XYLT1: variants seen among roughly 807,000 people sequenced by gnomAD.
XYLT1 encodes the protein xylosyltransferase 1.
In XYLT1, 36 loss-of-function variants were observed where a neutral mutation model predicts 91.3. The ratio of observed to expected loss-of-function variants is 0.39; its 90% CI spans 0.30 to 0.52. XYLT1 has a LOEUF of 0.52. XYLT1 is among the 20% of genes least tolerant of loss of function. The pLI, the probability that XYLT1 is intolerant of heterozygous loss-of-function variation, is 0.68. For missense variants in XYLT1, 1,242 were observed against 1,284.5 expected, an observed-to-expected ratio of 0.97 and a Z score of 0.51; for synonymous variants, 588 against 532.0, an observed-to-expected ratio of 1.11 and a Z score of -1.45.
intron 11 of XYLT1, among the ~76,000 whole-genome samples, chr16:17,112,227 C>T (rs1346450725): frequency 6.6e-6 from 1 of 152,194 alleles, no homozygotes; most frequent in African/African-American, 2.4e-5. Flanking sequence ...TCCACCTCAT[C>T]GGATTTCTTG....
At chr16:17,468,617 A>G (rs1002444697) in intron 1 of XYLT1, among the ~76,000 whole-genome samples, 2 of 152,206 alleles carry the variant, frequency 1.3e-5, no homozygotes, top group African/African-American at 2.4e-5. Context: ...TGAGCCGAGC[A>G]CACAGAGAGG....
chr16:17,312,217 G>T lies in XYLT1; in HGVS notation c.402+45795C>A, dbSNP rs1449191826. ...GCGTGAAGCCAGGCACGCCCAGGGG[G>T]TGACTCATCTGCTGTGCCCAGAGCT... On this transcript the variant is annotated intron_variant, in intron 2 of 11. Coordinates refer to ENST00000261381, the MANE Select transcript of XYLT1 (RefSeq NM_022166.4). This position sits in a 1 kb window ranked among gnomAD's most constrained non-coding sequence, Gnocchi z 4.4. Among the ~76,000 whole-genome samples, 1 of 152,142 alleles carries T rather than the reference G, an allele frequency of 6.6e-6. No homozygotes were observed. The highest frequency in any genetic ancestry group is 6.5e-5 in the Admixed American group (1 of 15,282).
chr16:17,219,280 CAAAAAAA>C (rs369055155), intron 3 of XYLT1, among the ~76,000 whole-genome samples: 7 of 85,068 alleles, frequency 8.2e-5, no homozygotes, highest in Admixed American at 3.1e-4. Flanking sequence ...GACTTTGTCT[CAAAAAAA>C]AAAAAAAAAA....
chr16:17,285,241 A>G (rs184450153), intron 2 of XYLT1, among the ~76,000 whole-genome samples: 640 of 152,310 alleles, frequency 4.2e-3, no homozygotes, highest in Middle Eastern at 0.024. Context: ...AGCTTGGGTG[A>G]CTAGAATCAC....
At chr16:17,118,063 G>T in intron 10 of XYLT1, 84 bp from the exon 11 acceptor site, 2 of 1,375,602 alleles carry the variant, frequency 1.5e-6, no homozygotes, top group Middle Eastern at 1.9e-4. Context: ...CCCTTTGTTA[G>T]CTTTCATATA....
chr16:17,276,164 A>G (rs1178982932), intron 2 of XYLT1, among the ~76,000 whole-genome samples: 1 of 152,202 alleles, frequency 6.6e-6, no homozygotes, highest in Non-Finnish European at 1.5e-5. Context: ...AGAGGTACAA[A>G]TGAATATGCT....
chr16:17,467,386 T>C (rs2036912511), intron 1 of XYLT1, among the ~76,000 whole-genome samples: 1 of 152,180 alleles, frequency 6.6e-6, no homozygotes, highest in Admixed American at 6.5e-5. Flanking sequence ...TCCCAATATT[T>C]TTCCTCCCTT....
intron 1 of XYLT1, among the ~76,000 whole-genome samples, chr16:17,415,382 G>C (rs1282399709): frequency 6.6e-6 from 1 of 152,194 alleles, no homozygotes; most frequent in Non-Finnish European, 1.5e-5. Context: ...AGAGGTCATT[G>C]AGGGGTAATC....
chr16:17,298,382 C>G lies in XYLT1; in HGVS notation c.403-38884G>C, dbSNP rs770648424. ...GAGATCTCATCTCATCTTCACAGCA[C>G]GCCTGGTGGCGAGTGCCCTCACTGT... On this transcript the variant is annotated intron_variant, in intron 2 of 11. Transcript: ENST00000261381. Among the ~76,000 whole-genome samples, 21 of 152,208 alleles carry G rather than the reference C, an allele frequency of 1.4e-4. 1 individual carries two copies. Among genetic ancestry groups the G allele is most frequent in the Admixed American group, 1.4e-3 (21 of 15,280 alleles).
At chr16:17,198,719 A>G (rs907261199) in intron 4 of XYLT1, among the ~76,000 whole-genome samples, 3 of 151,914 alleles carry the variant, frequency 2.0e-5, no homozygotes, top group Non-Finnish European at 4.4e-5. Context: ...ATTTTATCTT[A>G]TTTTATTTTA....
intron 3 of XYLT1, among the ~76,000 whole-genome samples, chr16:17,202,748 ACTTG>A (rs1287792542): frequency 1.3e-5 from 2 of 152,062 alleles, no homozygotes; most frequent in Non-Finnish European, 2.9e-5. Context: ...TTATCTGTTT[ACTTG>A]CTTATTATCT....
intron 2 of XYLT1, among the ~76,000 whole-genome samples, chr16:17,332,403 A>G (rs1248104917): frequency 6.6e-6 from 1 of 152,084 alleles, no homozygotes; most frequent in South Asian, 2.1e-4. Flanking sequence ...CTCTACTAAA[A>G]ATACAAAAAT....
intron 2 of XYLT1, chr16:17,355,088 T>TGA (rs1192257702): frequency 6.5e-6 from 1 of 152,896 alleles, no homozygotes; most frequent in Admixed American, 6.5e-5. Context: ...GCACAAATGC[T>TGA]GAGAGTCTAC....
rs1290466130 is a variant in XYLT1 at position 17,259,821 on chromosome 16, A to G, written c.403-323T>C. Among the ~76,000 whole-genome samples, 5 of 152,252 alleles carry G rather than the reference A, an allele frequency of 3.3e-5. No homozygotes were observed. The East Asian group carries it at 9.7e-4, about 29-fold the overall frequency. On this transcript the variant is annotated intron_variant, in intron 2 of 11. Transcript: ENST00000261381. Reference sequence around the variant, plus strand: ...CTGTCTTTGCCACTGGGTAACAAACATTTTGTTCCAGCGTCCCGTTTAAAT... The same window carrying G: ...CTGTCTTTGCCACTGGGTAACAAACGTTTTGTTCCAGCGTCCCGTTTAAAT...
chr16:17,152,221 G>A (rs936928648), intron 6 of XYLT1, among the ~76,000 whole-genome samples: 3 of 152,170 alleles, frequency 2.0e-5, no homozygotes, highest in Non-Finnish European at 4.4e-5. Context: ...ACTTCTTTGT[G>A]TATTGTTTGG....
At chr16:17,316,171 A>T (rs937410457) in intron 2 of XYLT1, among the ~76,000 whole-genome samples, 1 of 152,224 alleles carries the variant, frequency 6.6e-6, no homozygotes, top group Non-Finnish European at 1.5e-5. Flanking sequence ...AAACAGTGGA[A>T]TCCACAGGAA....
intron 9 of XYLT1, among the ~76,000 whole-genome samples, chr16:17,129,163 CT>C (rs2030379969): frequency 6.6e-6 from 1 of 150,904 alleles, no homozygotes; most frequent in Non-Finnish European, 1.5e-5. Flanking sequence ...TAAATCTGGA[CT>C]TTGGGAGTGG....
At chr16:17,136,373 T>G (rs1320718599) in intron 8 of XYLT1, among the ~76,000 whole-genome samples, 1 of 152,190 alleles carries the variant, frequency 6.6e-6, no homozygotes, top group Non-Finnish European at 1.5e-5. Flanking sequence ...GGTGTTATTC[T>G]AAACATCTCA....
intron 1 of XYLT1, among the ~76,000 whole-genome samples, chr16:17,359,966 G>A (rs897298348): frequency 4.6e-5 from 7 of 152,176 alleles, no homozygotes; most frequent in Non-Finnish European, 8.8e-5. Flanking sequence ...CTGGTCTGTG[G>A]GTGGCAGCAT....
Sources: gnomAD v4.1 joint callset for allele counts (sites outside exome capture counted in the v4.1 genomes callset) on GRCh38, gnomAD v4.1.1 for gene constraint, Gnocchi (gnomAD v3.1) non-coding constraint, MANE v1.5 for transcripts, NCBI Gene and HGNC (gene_info 2026-07-23, HGNC 2026-07-21) for gene names.